Variants in GRIA1 observed in about 807,000 individuals in gnomAD.
The protein encoded by GRIA1 is glutamate ionotropic receptor AMPA type subunit 1, also known as glutamate receptor 1.
A neutral mutation model predicts 99.2 loss-of-function variants in GRIA1; 31 were observed. That is an observed-to-expected ratio of 0.31 (90% CI 0.23 to 0.42). GRIA1 has a LOEUF of 0.42. GRIA1 is among the 10% of genes least tolerant of loss of function. The pLI is 1.00. For missense variants in GRIA1, 782 were observed against 1,157.5 expected, an observed-to-expected ratio of 0.68 and a Z score of 4.71; for synonymous variants, 438 against 432.4, an observed-to-expected ratio of 1.01 and a Z score of -0.16.
At chr5:153,515,342 A>G (rs188259537) in intron 2 of GRIA1, among the ~76,000 whole-genome samples, 1 of 152,368 alleles carries the variant, frequency 6.6e-6, no homozygotes, top group African/African-American at 2.4e-5. Context: ...GAATATAACT[A>G]GAGGACATCA....
intron 13 of GRIA1, among the ~76,000 whole-genome samples, chr5:153,780,367 T>G (rs1300792293): frequency 6.6e-6 from 1 of 152,194 alleles, no homozygotes; most frequent in African/African-American, 2.4e-5. Flanking sequence ...CTTGAGAAAG[T>G]AGCAAGCTGC....
intron 11 of GRIA1, among the ~76,000 whole-genome samples, chr5:153,743,188 C>T (rs985746518): frequency 2.6e-5 from 4 of 152,140 alleles, no homozygotes; most frequent in African/African-American, 7.2e-5. Context: ...TTGCAGACAT[C>T]GTCAAATGGC....
chr5:153,668,470 A>G (rs1003235666), intron 5 of GRIA1, among the ~76,000 whole-genome samples: 4 of 152,260 alleles, frequency 2.6e-5, no homozygotes, highest in East Asian at 1.9e-4. Flanking sequence ...ACATTAAATT[A>G]CCATGCCCAA....
At chr5:153,790,571 C>G in intron 13 of GRIA1, among the ~76,000 whole-genome samples, 1 of 152,120 alleles carries the variant, frequency 6.6e-6, no homozygotes, top group East Asian at 1.9e-4. Flanking sequence ...AAGTTCTCAC[C>G]AGCGTGAGGT....
intron 13 of GRIA1, among the ~76,000 whole-genome samples, chr5:153,790,623 C>T (rs1765238899): frequency 6.6e-6 from 1 of 152,126 alleles, no homozygotes. Context: ...ATTCATTCAA[C>T]CTAAAGACTT....
At chr5:153,542,109 A>G (rs1378681404) in intron 2 of GRIA1, among the ~76,000 whole-genome samples, 3 of 151,986 alleles carry the variant, frequency 2.0e-5, no homozygotes, top group Non-Finnish European at 4.4e-5. Flanking sequence ...CTGATGATAA[A>G]TAAGTATTGA....
intron 2 of GRIA1, among the ~76,000 whole-genome samples, chr5:153,507,154 G>A (rs1198896761): frequency 6.6e-6 from 1 of 151,902 alleles, no homozygotes; most frequent in East Asian, 1.9e-4. Context: ...AATAAAAGAT[G>A]GTTTCTATGT....
chr5:153,646,006 A>G (rs578205433), intron 2 of GRIA1, among the ~76,000 whole-genome samples: 17 of 152,308 alleles, frequency 1.1e-4, no homozygotes, highest in Admixed American at 1.1e-3. Context: ...AAAGATTATG[A>G]ACTCTCATCC....
In GRIA1 at chr5:153,754,797, G is replaced by A. The variant is rs147285709; in HGVS notation, c.1824-9637G>A. ...TGCATTCATTTACTAATGAGGGCCT[G>A]CTCCATGCTGAGCACTGGAGATACA... On this transcript the variant is annotated intron_variant, in intron 11 of 15. Coordinates refer to ENST00000285900, the MANE Select transcript of GRIA1 (RefSeq NM_000827.4). Among the ~76,000 whole-genome samples, 1,251 of 152,314 alleles carry A rather than the reference G, an allele frequency of 8.2e-3. 7 individuals are homozygous for A. The highest frequency in any genetic ancestry group is 0.014 in the Middle Eastern group (4 of 294).
At chr5:153,616,913 GGTT>G (rs1413967590) in intron 2 of GRIA1, among the ~76,000 whole-genome samples, 1 of 152,124 alleles carries the variant, frequency 6.6e-6, no homozygotes, top group African/African-American at 2.4e-5. Flanking sequence ...ATAAAAACTG[GGTT>G]GTTGGGAAGT....
chr5:153,592,479 A>AT (rs1247003191), intron 2 of GRIA1, among the ~76,000 whole-genome samples: 3 of 152,052 alleles, frequency 2.0e-5, no homozygotes, highest in Non-Finnish European at 4.4e-5. Flanking sequence ...TAAAAAGGAG[A>AT]TTTTTCTCAT....
chr5:153,737,710 C>G (rs1470256178), intron 11 of GRIA1, among the ~76,000 whole-genome samples: 1 of 152,144 alleles, frequency 6.6e-6, no homozygotes, highest in East Asian at 1.9e-4. Flanking sequence ...ATACAGTCAT[C>G]TATTATTGTA....
At chr5:153,758,000 T>C (rs956264352) in intron 11 of GRIA1, among the ~76,000 whole-genome samples, 1 of 152,068 alleles carries the variant, frequency 6.6e-6, no homozygotes, top group South Asian at 2.1e-4. Context: ...TACAATAATA[T>C]GTTAAGAGGT....
At chr5:153,752,916 G>A (rs1409706089) in intron 11 of GRIA1, among the ~76,000 whole-genome samples, 1 of 152,202 alleles carries the variant, frequency 6.6e-6, no homozygotes, top group African/African-American at 2.4e-5. Context: ...GCTAGTGGAG[G>A]TTAGAGAGAT....
At chr5:153,722,043 A>T (rs1159795253) in intron 11 of GRIA1, among the ~76,000 whole-genome samples, 1 of 152,150 alleles carries the variant, frequency 6.6e-6, no homozygotes, top group Non-Finnish European at 1.5e-5. Flanking sequence ...GGATCACATT[A>T]TGGTTTTAAT....
At chr5:153,648,922 G>A (rs923914847) in intron 3 of GRIA1, among the ~76,000 whole-genome samples, 1 of 152,030 alleles carries the variant, frequency 6.6e-6, no homozygotes, top group Non-Finnish European at 1.5e-5. Flanking sequence ...GAAGGCTGCA[G>A]TTGGGATTAA....
chr5:153,751,906 C>T (rs1762534471), intron 11 of GRIA1, among the ~76,000 whole-genome samples: 1 of 152,180 alleles, frequency 6.6e-6, no homozygotes, highest in Non-Finnish European at 1.5e-5. Flanking sequence ...TTCATTTACC[C>T]AGAAGGCGTG....
At chr5:153,542,061 C>G (rs571333274) in intron 2 of GRIA1, among the ~76,000 whole-genome samples, 1 of 151,886 alleles carries the variant, frequency 6.6e-6, no homozygotes, top group East Asian at 1.9e-4. Flanking sequence ...TTCTCTTCAT[C>G]CCAATCTGCT....
chr5:153,596,983 C>T (rs1301983009), intron 2 of GRIA1, among the ~76,000 whole-genome samples: 3 of 152,166 alleles, frequency 2.0e-5, no homozygotes, highest in Non-Finnish European at 4.4e-5. Context: ...TCTGAGCTCA[C>T]CCGGTCCCGT....
Sources: gnomAD v4.1 joint callset for allele counts (sites outside exome capture counted in the v4.1 genomes callset) on GRCh38, gnomAD v4.1.1 for gene constraint, MANE v1.5 for transcripts, NCBI Gene and HGNC (gene_info 2026-07-23, HGNC 2026-07-21) for gene names.